E4F1: variants seen among roughly 807,000 people sequenced by gnomAD.
E4F1 encodes the protein E4F transcription factor 1.
In E4F1, 30 loss-of-function variants were observed where a neutral mutation model predicts 72.9. The observed-to-expected ratio is 0.41, with a 90% confidence interval of 0.31 to 0.56. The LOEUF (loss-of-function observed/expected upper bound fraction) is 0.56. E4F1 is among the 20% of genes least tolerant of loss of function. E4F1 has a pLI of 0.25. For missense variants in E4F1, 1,091 were observed against 1,117.5 expected (o/e 0.98, Z 0.34); for synonymous variants, 542 against 478.2 (o/e 1.13, Z -1.74).
chr16:2,234,439 C>G (rs1197724465), intron 10 of E4F1, 51 bp downstream of exon 10: 31 of 1,602,718 alleles, frequency 1.9e-5, no homozygotes, highest in Non-Finnish European at 2.5e-5. Context: ...ATCCTGCTCC[C>G]TGGCCGTGGC....
At position 2,233,099 on chromosome 16, in the gene E4F1, G is replaced by A; in HGVS notation, c.972G>A (p.Val324=). 1 of 1,612,724 alleles carries A rather than the reference G, an allele frequency of 6.2e-7. No homozygotes were observed. The highest frequency in any genetic ancestry group is 8.5e-7 in the Non-Finnish European group (1 of 1,179,606). The change falls in exon 7 of 14, where the codon GTG becomes GTA. Residue 324 remains valine (V), a synonymous_variant. Coordinates refer to ENST00000301727, the MANE Select transcript of E4F1 (RefSeq NM_004424.5). ...PIETSPVIHL[V]TDAKGTVIHE... is the part of the protein sequence containing the mutation. ...AGACTTCACCCGTGATTCACCTGGT[G>A]ACAGATGCCAAGGGCACCGTCATCC...
At position 2,235,294 on chromosome 16, in the gene E4F1, G is replaced by A. The variant is rs990532005; in HGVS notation, c.2077G>A (p.Val693Ile). 9.3e-6 allele frequency: 15 copies of A among 1,611,316 alleles called. No homozygotes were observed. The highest frequency in any genetic ancestry group is 1.3e-5 in the Non-Finnish European group (15 of 1,179,924). ...CGGCCACCAGATCATCGTGCAGAACGTCACCATGGACGAGGAGACGGCGCT... is the reference window on the plus strand; with the variant it reads ...CGGCCACCAGATCATCGTGCAGAACATCACCATGGACGAGGAGACGGCGCT... ...SAGHQIIVQN[V>I]TMDEETALGP... Residue 693 changes from valine (V) to isoleucine (I), a missense_variant, in exon 14 of 14, where the codon GTC (valine) becomes ATC (isoleucine). Physicochemically the swap from Val to Ile is conservative, Grantham distance 29. Around this residue, in one of 5 missense-constraint regions of E4F1, gnomAD observed 622 missense variants for 628.0 expected, o/e 0.99. Coordinates refer to ENST00000301727, the MANE Select transcript of E4F1 (RefSeq NM_004424.5).
Position 2,233,460 on chromosome 16 carries a change from C to G in E4F1, c.1079C>G (p.Pro360Arg), listed in dbSNP as rs200233950. ...APEPPVSQEL[P>R]CSSEGSRENL... ...CAGCCCCCCGTCTCCCAGGAGCTCC[C>G]CTGCTCCAGCGAGGGCAGCCGTGAG... The change falls in exon 8 of 14, where the codon CCC (proline) becomes CGC (arginine). Residue 360 changes from proline (P) to arginine (R), a missense_variant. Physicochemically the swap from Pro to Arg is moderately radical, Grantham distance 103. Coordinates refer to ENST00000301727, the MANE Select transcript of E4F1 (RefSeq NM_004424.5). 1.0e-3 allele frequency: 1,558 copies of G among 1,507,066 alleles called. 20 individuals are homozygous for G. The highest frequency in any genetic ancestry group is 1.6e-4 in the Non-Finnish European group (183 of 1,133,050). 93.4% of individuals were successfully genotyped at this position (1,507,066 alleles called of 1,614,324 possible).
In E4F1 at chr16:2,234,744, C is replaced by G. The variant is rs781197252; in HGVS notation, c.1755C>G (p.Ala585=). The change falls in exon 11 of 14, where the codon GCC becomes GCG. Residue 585 remains alanine (A), a synonymous_variant. Transcript: ENST00000301727. ...GCTACAAGTGCGGCCGTGGCTTCGCCGAGCACGGCACGCTGAACCGGCACC... is the reference window on the plus strand; with the variant it reads ...GCTACAAGTGCGGCCGTGGCTTCGCGGAGCACGGCACGCTGAACCGGCACC... ...FKCYKCGRGF[A]EHGTLNRHLR... The G allele has an allele frequency of 2.6e-6, 4 of 1,553,154 alleles. No individual in the cohort carries two copies. Among genetic ancestry groups the G allele is most frequent in the Non-Finnish European group, 2.6e-6 (3 of 1,149,030 alleles).
rs146393111 is a variant in E4F1, at chr16:2,225,966, G to A, written c.157+2196G>A. On this transcript the variant is annotated intron_variant, in intron 1 of 13. Transcript: ENST00000301727. ...AAATTAGCTGGCCGTGGTGGCAGGC[G>A]CCTGTAGTCACAGCTTCTCAGGAGG... Among the ~76,000 whole-genome samples the A allele has an allele frequency of 9.2e-3, 1,399 of 152,098 alleles. 13 individuals are homozygous for A. Among genetic ancestry groups the A allele is most frequent in the African/African-American group, 0.032 (1,336 of 41,514 alleles).
chr16:2,229,441 C>T (rs1379021988), intron 2 of E4F1, 129 bp from the exon 3 acceptor site: 13 of 928,240 alleles, frequency 1.4e-5, no homozygotes, highest in Admixed American at 6.3e-5. Context: ...GTCCCAAGGA[C>T]GTGGACCCAG....
chr16:2,230,498 T>G (rs1455353086), intron 3 of E4F1: 1 of 152,636 alleles, frequency 6.6e-6, no homozygotes, highest in African/African-American at 2.4e-5. Flanking sequence ...GGGCGGGGCA[T>G]GGCTGCTGCC....
At position 2,233,106 on chromosome 16, in the gene E4F1, GCCAAGGGCACCGTCAT is replaced by G. The variant is rs1230106600; in HGVS notation, c.983_998del (p.Lys328ThrfsTer14). The G allele has an allele frequency of 6.2e-7, 1 of 1,612,504 alleles. No individual in the cohort carries two copies. The highest frequency in any genetic ancestry group is 1.3e-5 in the African/African-American group (1 of 74,938). On this transcript the variant is annotated frameshift_variant, in exon 7 of 14. Coordinates refer to ENST00000301727, the MANE Select transcript of E4F1 (RefSeq NM_004424.5). LOFTEE classifies it high-confidence loss of function. ...ACCCGTGATTCACCTGGTGACAGATGCCAAGGGCACCGTCATCCACGAAGTCCACGTCCAGATGCAG... is the reference window on the plus strand; with the variant it reads ...ACCCGTGATTCACCTGGTGACAGATGCCACGAAGTCCACGTCCAGATGCAG...
At position 2,233,977 on chromosome 16, in the gene E4F1, G is replaced by A; in HGVS notation, c.1362G>A (p.Lys454=). The A allele has an allele frequency of 6.3e-7, 1 of 1,595,040 alleles. No individual in the cohort carries two copies. The highest frequency in any genetic ancestry group is 8.5e-7 in the Non-Finnish European group (1 of 1,171,048). The change falls in exon 9 of 14, where the codon AAG becomes AAA. Residue 454 remains lysine, a synonymous_variant. Transcript: ENST00000301727. ...CAGCAGCCACCCTGGAGGCCCACAA[G>A]AGGGGCCACACCGGTAGGTGATGGG... ...FPTAATLEAH[K]RGHTGPRPFA... is the part of the protein sequence containing the mutation.
rs199627791 is a variant in E4F1, at chr16:2,232,902, C to A, written c.877C>A (p.Arg293Ser). Residue 293 changes from arginine to serine, a missense_variant, in exon 6 of 14, where the codon CGT becomes AGT. Physicochemically the swap from Arg to Ser is moderately radical, Grantham distance 110 (BLOSUM62 -1). Coordinates refer to ENST00000301727, the MANE Select transcript of E4F1 (RefSeq NM_004424.5). ...KDVVVSKEDA[R>S]AGSGAGAAGL... ...CGTGGTTGTCAGCAAAGAGGACGCACGTGCAGGTCAGCATGGTGCGGGCAG... is the reference window on the plus strand; with the variant it reads ...CGTGGTTGTCAGCAAAGAGGACGCAAGTGCAGGTCAGCATGGTGCGGGCAG... 1.2e-6 allele frequency: 2 copies of A among 1,613,160 alleles called. No homozygotes were observed. The highest frequency in any genetic ancestry group is 1.7e-6 in the Non-Finnish European group (2 of 1,180,014).
chr16:2,225,791 GAAAAA>G (rs766755916), intron 1 of E4F1, among the ~76,000 whole-genome samples: 1 of 64,960 alleles, frequency 1.5e-5, no homozygotes, highest in Non-Finnish European at 3.1e-5. Context: ...CTCTGTTTAG[GAAAAA>G]AAAAAAAAAA....
chr16:2,233,834 A>T, intron 8 of E4F1, 48 bp from the exon 9 acceptor site: 1 of 1,503,186 alleles, frequency 6.7e-7, no homozygotes, highest in South Asian at 1.2e-5. Flanking sequence ...TGGTACTGCC[A>T]GGGCACAGCC....
chr16:2,232,682 C>T, intron 5 of E4F1, 74 bp from the exon 6 acceptor site: 2 of 1,606,652 alleles, frequency 1.2e-6, no homozygotes, highest in South Asian at 2.2e-5. Flanking sequence ...GCGGGGGCCC[C>T]TGCCTGCCTT....
chr16:2,227,297 C>G (rs2093437718), intron 1 of E4F1, among the ~76,000 whole-genome samples: 1 of 152,190 alleles, frequency 6.6e-6, no homozygotes, highest in Admixed American at 6.5e-5. Flanking sequence ...GCAACCTTCG[C>G]CTCCCAGGTT....
intron 1 of E4F1, among the ~76,000 whole-genome samples, chr16:2,225,127 T>C (rs2093423689): frequency 6.6e-6 from 1 of 151,438 alleles, no homozygotes; most frequent in South Asian, 2.1e-4. Context: ...GTAGGAGAAT[T>C]GCTTGAGCCC....
chr16:2,234,442 G>A, intron 10 of E4F1, 54 bp downstream of exon 10: 2 of 1,602,166 alleles, frequency 1.2e-6, no homozygotes, highest in Non-Finnish European at 1.7e-6. Flanking sequence ...CTGCTCCCTG[G>A]CCGTGGCCCA....
chr16:2,226,660 A>C (rs2093434504), intron 1 of E4F1, among the ~76,000 whole-genome samples: 1 of 152,252 alleles, frequency 6.6e-6, no homozygotes, highest in Non-Finnish European at 1.5e-5. Flanking sequence ...TTGTGTAAAC[A>C]GGTACTGTCC....
At chr16:2,224,055 G>A in intron 1 of E4F1, 1 of 1,153,440 alleles carries the variant, frequency 8.7e-7, no homozygotes, top group African/African-American at 1.6e-5. Context: ...CGCAGACGCC[G>A]GCGTCCCGGC....
At position 2,223,603 on chromosome 16, in the gene E4F1, C is replaced by G. The variant is rs1172050901; in HGVS notation, c.-11C>G. The G allele has an allele frequency of 6.3e-7, 1 of 1,584,210 alleles. No homozygotes were observed. Among genetic ancestry groups the G allele is most frequent in the Non-Finnish European group, 8.5e-7 (1 of 1,171,680 alleles). The stretch of plus-strand genomic sequence containing the variant: ...TCGTAAATCCGCCATCTTCCTGCGG[C>G]GCGTTGCGACATGGAGGGCGCGATG... On this transcript the variant is annotated 5_prime_UTR_variant, in exon 1 of 14. Coordinates refer to ENST00000301727, the MANE Select transcript of E4F1 (RefSeq NM_004424.5).
Sources: gnomAD v4.1 joint callset for allele counts (sites outside exome capture counted in the v4.1 genomes callset) on GRCh38, gnomAD v4.1.1 for gene constraint, gnomAD v4.1.1 regional missense constraint, MANE v1.5 for transcripts, NCBI Gene and HGNC (gene_info 2026-07-23, HGNC 2026-07-21) for gene names.